PPARGC1A: variants seen among roughly 807,000 people sequenced by gnomAD.
The protein encoded by PPARGC1A is PPARG coactivator 1 alpha, also known as peroxisome proliferator-activated receptor gamma coactivator 1-alpha.
In PPARGC1A, 25 loss-of-function variants were observed where a neutral mutation model predicts 88.7. The observed-to-expected ratio is 0.28, with a 90% CI of 0.21 to 0.39. The LOEUF (loss-of-function observed/expected upper bound fraction) is 0.39, where lower values mean the gene tolerates loss of function less well. PPARGC1A is among the 10% of genes least tolerant of loss of function. The pLI, the probability that PPARGC1A is intolerant of heterozygous loss-of-function variation, is 1.00. For synonymous variants in PPARGC1A, 363 were observed against 355.6 expected (o/e 1.02, Z -0.24); for missense variants, 880 against 968.7 (o/e 0.91, Z 1.22).
At chr4:24,230,156 T>G in the PPARGC1A span, among the ~76,000 whole-genome samples, 1 of 152,220 alleles carries the variant, frequency 6.6e-6, no homozygotes, top group East Asian at 1.9e-4. Flanking sequence ...AGCGCTGCTC[T>G]TAGCAACTCG....
chr4:24,000,426 A>G, the PPARGC1A span, among the ~76,000 whole-genome samples: 1 of 152,222 alleles, frequency 6.6e-6, no homozygotes, highest in African/African-American at 2.4e-5. Flanking sequence ...AAAAGTACAA[A>G]TTAAACACGT....
At chr4:23,884,119 T>TC (rs1170692536) in intron 2 of PPARGC1A, 1 of 152,174 alleles carries the variant, frequency 6.6e-6, no homozygotes, top group Non-Finnish European at 1.5e-5. Flanking sequence ...AGATTAACAT[T>TC]CTTTATTATA....
At chr4:24,109,683 T>G in the PPARGC1A span, among the ~76,000 whole-genome samples, 1 of 152,188 alleles carries the variant, frequency 6.6e-6, no homozygotes, top group East Asian at 1.9e-4. Flanking sequence ...ATCCCTACAA[T>G]CGACCTTGAA....
the PPARGC1A span, among the ~76,000 whole-genome samples, chr4:24,453,257 A>G: frequency 2.0e-5 from 3 of 152,216 alleles, no homozygotes; most frequent in Non-Finnish European, 2.9e-5. Flanking sequence ...GTGAGGAAAT[A>G]ATTTCTGTTG....
intron 12 of PPARGC1A, 48 bp downstream of exon 12, chr4:23,801,682 G>A (rs1718766387): frequency 6.3e-7 from 1 of 1,599,630 alleles, no homozygotes; most frequent in African/African-American, 1.3e-5. Flanking sequence ...TTCCCATCTT[G>A]AGCTCTACAT....
At chr4:24,308,414 G>A in the PPARGC1A span, among the ~76,000 whole-genome samples, 1 of 151,990 alleles carries the variant, frequency 6.6e-6, no homozygotes, top group Admixed American at 6.6e-5. Context: ...TGCTGAGTTA[G>A]AGGCTATATT....
chr4:24,236,170 CT>C, the PPARGC1A span, among the ~76,000 whole-genome samples: 2 of 152,150 alleles, frequency 1.3e-5, no homozygotes, highest in East Asian at 3.8e-4. Context: ...TATCCGGAAG[CT>C]TTATAATGAG....
At chr4:24,411,391 C>A in the PPARGC1A span, among the ~76,000 whole-genome samples, 31 of 152,296 alleles carry the variant, frequency 2.0e-4, no homozygotes, top group Middle Eastern at 0.014. Flanking sequence ...AGGGTCACAG[C>A]AAAATAGAGT....
At chr4:24,396,361 T>G in the PPARGC1A span, among the ~76,000 whole-genome samples, 1 of 152,304 alleles carries the variant, frequency 6.6e-6, no homozygotes, top group Admixed American at 6.5e-5. Context: ...TGGGGAGTGC[T>G]AGGCAAATCG....
intron 11 of PPARGC1A, 148 bp downstream of exon 11, chr4:23,802,076 A>C: frequency 7.7e-7 from 1 of 1,298,546 alleles, no homozygotes; most frequent in African/African-American, 1.5e-5. Flanking sequence ...ATTAATAAAC[A>C]GGGATGAAAG....
Position 23,813,963 on chromosome 4 carries a change from A to G in PPARGC1A, c.1520T>C (p.Met507Thr). The change falls in exon 8 of 13, where the codon ATG becomes ACG. Residue 507 changes from methionine (M) to threonine (T), a missense_variant. Physicochemically the swap from Met to Thr is moderately conservative, Grantham distance 81 (BLOSUM62 -1). Coordinates refer to ENST00000264867, the MANE Select transcript of PPARGC1A (RefSeq NM_013261.5). Reference protein sequence around the residue: ...LPMFINSGLAMDGLFDDSEDE... With the variant: ...LPMFINSGLATDGLFDDSEDE... Reference sequence around the variant, plus strand: ...TTCGCTGTCATCAAACAGGCCATCCATGGCTAGTCCTGAATTTATAAACAT... The same window carrying G: ...TTCGCTGTCATCAAACAGGCCATCCGTGGCTAGTCCTGAATTTATAAACAT... The G allele has an allele frequency of 1.2e-6, 2 of 1,614,130 alleles. No individual in the cohort carries two copies. The highest frequency in any genetic ancestry group is 1.7e-6 in the Non-Finnish European group (2 of 1,180,000).
the PPARGC1A span, among the ~76,000 whole-genome samples, chr4:24,105,389 G>A: frequency 6.6e-6 from 1 of 152,184 alleles, no homozygotes; most frequent in South Asian, 2.1e-4. Context: ...AAGCTAGGGG[G>A]AGGTATTTTC....
At chr4:24,416,521 G>A in the PPARGC1A span, among the ~76,000 whole-genome samples, 1 of 152,166 alleles carries the variant, frequency 6.6e-6, no homozygotes, top group East Asian at 1.9e-4. Context: ...AGACCTGACT[G>A]CACTTGGCAA....
chr4:24,079,475 AT>A, the PPARGC1A span, among the ~76,000 whole-genome samples: 31,564 of 151,874 alleles, frequency 0.21, 3,572 homozygotes, highest in Non-Finnish European at 0.24. Flanking sequence ...GTTATTTCTT[AT>A]TTGTATGAGA....
At chr4:24,374,341 C>A in the PPARGC1A span, among the ~76,000 whole-genome samples, 4 of 152,024 alleles carry the variant, frequency 2.6e-5, no homozygotes, top group Admixed American at 6.6e-5. Context: ...GGCCTGGTTG[C>A]CAGGAATCAC....
At chr4:23,841,283 G>C (rs1727010712) in intron 2 of PPARGC1A, among the ~76,000 whole-genome samples, 1 of 152,070 alleles carries the variant, frequency 6.6e-6, no homozygotes, top group African/African-American at 2.4e-5. Flanking sequence ...ATCTGAACTA[G>C]AGTGGTGACC....
chr4:24,072,801 A>G, the PPARGC1A span, among the ~76,000 whole-genome samples: 6 of 152,312 alleles, frequency 3.9e-5, no homozygotes, highest in African/African-American at 1.2e-4. Context: ...ACCAGCTAAT[A>G]TAACATTAGA....
chr4:23,987,994 T>C, the PPARGC1A span, among the ~76,000 whole-genome samples: 4 of 148,880 alleles, frequency 2.7e-5, no homozygotes, highest in East Asian at 2.1e-4. Flanking sequence ...CCTGTGTCCA[T>C]GTGTTCTCAT....
the PPARGC1A span, among the ~76,000 whole-genome samples, chr4:24,079,391 A>AT: frequency 6.6e-6 from 1 of 151,938 alleles, no homozygotes; most frequent in Non-Finnish European, 1.5e-5. Context: ...TTTTTTTCAT[A>AT]TATTTATTGG....
Sources: allele counts gnomAD v4.1 joint callset (sites outside exome capture counted in the v4.1 genomes callset), GRCh38; gene constraint gnomAD v4.1.1; transcripts MANE v1.5; gene names NCBI Gene and HGNC (gene_info 2026-07-23, HGNC 2026-07-21).